Variants in KLF12 observed in about 807,000 individuals in gnomAD.
KLF12 encodes the protein KLF transcription factor 12, also known as Krueppel-like factor 12.
In KLF12, 9 loss-of-function variants were observed where a neutral mutation model predicts 37.8. The ratio of observed to expected loss-of-function variants is 0.24; its 90% CI spans 0.14 to 0.42. The LOEUF is 0.42. KLF12 is among the 10% of genes least tolerant of loss of function. KLF12 has a pLI of 1.00. For synonymous variants in KLF12, 208 were observed against 202.1 expected (o/e 1.03, Z -0.25); for missense variants, 411 against 516.0 (o/e 0.80, Z 1.97).
At chr13:74,284,878 A>T in the KLF12 span, among the ~76,000 whole-genome samples, 1 of 152,212 alleles carries the variant, frequency 6.6e-6, no homozygotes, top group Non-Finnish European at 1.5e-5. Context: ...CTTATGCAAC[A>T]TCCCATATCC....
intron 3 of KLF12, among the ~76,000 whole-genome samples, chr13:73,941,463 A>G (rs1890182354): frequency 6.6e-6 from 1 of 152,226 alleles, no homozygotes. Flanking sequence ...AATTTCACTA[A>G]TGTGTTTTTC....
chr13:73,783,584 G>A lies in KLF12; in HGVS notation c.807-18584C>T, dbSNP rs953796998. ...GTATGAATGTATCAAAATATCCCACGTACCCTATAAATATGTACAAGTATT... is the reference window on the plus strand; with the variant it reads ...GTATGAATGTATCAAAATATCCCACATACCCTATAAATATGTACAAGTATT... On this transcript the variant is annotated intron_variant, in intron 5 of 7. Transcript: ENST00000377669. Among the ~76,000 whole-genome samples, 6 of 151,978 alleles carry A rather than the reference G, an allele frequency of 3.9e-5. No homozygotes were observed. In the South Asian group the frequency reaches 8.4e-4, roughly 21 times the overall value.
At chr13:73,992,641 C>T (rs1891999133) in intron 2 of KLF12, among the ~76,000 whole-genome samples, 2 of 152,162 alleles carry the variant, frequency 1.3e-5, no homozygotes, top group South Asian at 4.1e-4. Context: ...TTTGTCACCA[C>T]TGGCAAACTG....
At chr13:73,890,397 T>C (rs1258003198) in intron 3 of KLF12, among the ~76,000 whole-genome samples, 1 of 152,146 alleles carries the variant, frequency 6.6e-6, no homozygotes, top group Non-Finnish European at 1.5e-5. Context: ...GACATTGATA[T>C]CAGGATTATC....
At chr13:74,071,019 A>G (rs1593874885) in intron 1 of KLF12, among the ~76,000 whole-genome samples, 1 of 152,246 alleles carries the variant, frequency 6.6e-6, no homozygotes, top group African/African-American at 2.4e-5. Flanking sequence ...AATAGAACTC[A>G]AAACAAAAAT....
intron 1 of KLF12, among the ~76,000 whole-genome samples, chr13:74,008,099 A>G (rs369379818): frequency 3.3e-4 from 51 of 152,344 alleles, no homozygotes; most frequent in African/African-American, 1.2e-3. Context: ...GGTGGTAGTT[A>G]CATGGATGTG....
chr13:74,211,220 G>A, the KLF12 span, among the ~76,000 whole-genome samples: 1 of 152,170 alleles, frequency 6.6e-6, no homozygotes, highest in African/African-American at 2.4e-5. Context: ...TTAGCTCTGA[G>A]TAAGACCAGT....
At chr13:73,965,553 T>C (rs1489233461) in intron 2 of KLF12, among the ~76,000 whole-genome samples, 1 of 152,142 alleles carries the variant, frequency 6.6e-6, no homozygotes, top group African/African-American at 2.4e-5. Context: ...TGCGCTTGTA[T>C]CTACATGGCT....
chr13:73,912,141 G>T lies in KLF12; in HGVS notation c.123+31840C>A, dbSNP rs147876442. 1.7e-3 allele frequency among the ~76,000 whole-genome samples: 264 copies of T among 152,156 alleles called. 1 individual carries two copies. The highest frequency in any genetic ancestry group is 6.2e-3 in the African/African-American group (256 of 41,518). On this transcript the variant is annotated intron_variant, in intron 3 of 7. Coordinates refer to ENST00000377669, the MANE Select transcript of KLF12 (RefSeq NM_007249.5). ...GCTACTAGAGCTATAAATATTTAGT[G>T]TTCTTTTTCTCAGTTCATTATGTTC...
At chr13:73,972,840 G>A (rs1891387559) in intron 2 of KLF12, among the ~76,000 whole-genome samples, 1 of 150,792 alleles carries the variant, frequency 6.6e-6, no homozygotes, top group South Asian at 2.1e-4. Context: ...TACCAAAAAA[G>A]GATCATCCCC....
intron 4 of KLF12, among the ~76,000 whole-genome samples, chr13:73,820,817 G>A (rs1883486015): frequency 6.6e-6 from 1 of 152,150 alleles, no homozygotes; most frequent in Admixed American, 6.5e-5. Context: ...TAATGCTGTT[G>A]GACCTCTCTA....
chr13:74,298,928 G>A, the KLF12 span, among the ~76,000 whole-genome samples: 9 of 152,134 alleles, frequency 5.9e-5, no homozygotes, highest in Non-Finnish European at 7.3e-5. Flanking sequence ...AGGGCCCTCA[G>A]TCTACTATAT....
intron 3 of KLF12, among the ~76,000 whole-genome samples, chr13:73,942,748 T>C (rs1044386533): frequency 3.3e-5 from 5 of 152,232 alleles, no homozygotes; most frequent in African/African-American, 9.6e-5. Flanking sequence ...AGTCATGTTA[T>C]TGGTTGACAT....
At chr13:73,965,011 C>T (rs755634577) in intron 2 of KLF12, among the ~76,000 whole-genome samples, 4 of 152,110 alleles carry the variant, frequency 2.6e-5, no homozygotes, top group East Asian at 1.9e-4. Flanking sequence ...CATTGCATAC[C>T]GGGGTAAGCA....
intron 1 of KLF12, among the ~76,000 whole-genome samples, chr13:74,131,627 A>G (rs1878264749): frequency 6.6e-6 from 1 of 152,250 alleles, no homozygotes; most frequent in African/African-American, 2.4e-5. Flanking sequence ...AGCATTCCAC[A>G]ATAAAGTTCA....
At chr13:74,278,514 C>T in the KLF12 span, among the ~76,000 whole-genome samples, 1 of 152,146 alleles carries the variant, frequency 6.6e-6, no homozygotes, top group African/African-American at 2.4e-5. Context: ...TTAGGTTTTC[C>T]AAGCTAGAAT....
intron 1 of KLF12, among the ~76,000 whole-genome samples, chr13:74,014,924 T>C (rs1439968836): frequency 2.0e-5 from 3 of 152,200 alleles, no homozygotes; most frequent in Non-Finnish European, 4.4e-5. Flanking sequence ...GAGTTTGCCA[T>C]GGTTAATTCA....
chr13:74,092,003 A>AAG (rs1178619805), intron 1 of KLF12, among the ~76,000 whole-genome samples: 1 of 151,704 alleles, frequency 6.6e-6, no homozygotes, highest in Non-Finnish European at 1.5e-5. Flanking sequence ...TTTAAAAAAA[A>AAG]AAAAACCCAG....
chr13:73,726,406 C>A (rs73529539), intron 6 of KLF12, among the ~76,000 whole-genome samples: 1 of 152,008 alleles, frequency 6.6e-6, no homozygotes, highest in Admixed American at 6.5e-5. Flanking sequence ...TTTTCATCAC[C>A]CCAAAAGAAA....
Sources: gnomAD v4.1 joint callset for allele counts (sites outside exome capture counted in the v4.1 genomes callset) on GRCh38, gnomAD v4.1.1 for gene constraint, MANE v1.5 for transcripts, NCBI Gene and HGNC (gene_info 2026-07-23, HGNC 2026-07-21) for gene names.